ANKRD42: variants seen among roughly 807,000 people sequenced by gnomAD.
The protein encoded by ANKRD42 is ankyrin repeat domain 42, also known as ankyrin repeat domain-containing protein 42.
A neutral mutation model predicts 51.5 loss-of-function variants in ANKRD42; 43 were observed. The observed-to-expected ratio is 0.83, with a 90% CI of 0.65 to 1.08. The LOEUF (loss-of-function observed/expected upper bound fraction) is 1.08, where lower values mean the gene tolerates loss of function less well. Among genes scored for constraint, ANKRD42 ranks in the 50% least tolerant of loss-of-function variants. The pLI is 0.00. For missense variants in ANKRD42, 608 were observed against 629.3 expected (o/e 0.97, Z 0.36); for synonymous variants, 203 against 213.0 (o/e 0.95, Z 0.41).
intron 9 of ANKRD42, among the ~76,000 whole-genome samples, chr11:83,243,529 C>T (rs560479345): frequency 1.3e-5 from 2 of 152,290 alleles, no homozygotes; most frequent in Admixed American, 6.5e-5. Flanking sequence ...AAGCTAAATA[C>T]TCACTGCTCT....
chr11:83,226,723 A>G (rs1443167030), intron 6 of ANKRD42, among the ~76,000 whole-genome samples: 1 of 152,138 alleles, frequency 6.6e-6, no homozygotes, highest in East Asian at 1.9e-4. Flanking sequence ...CTGAGGTGGG[A>G]GGATTGCTTG....
At chr11:83,255,886 A>G in exon 12 of ANKRD42, 3 of 1,534,812 alleles carry the variant, frequency 2.0e-6, no homozygotes, top group Non-Finnish European at 2.6e-6. Flanking sequence ...AGAAGAGGCG[A>G]GTAAAAAAAA....
chr11:83,215,289 CTT>C (rs1361204736), intron 5 of ANKRD42: 1 of 151,654 alleles, frequency 6.6e-6, no homozygotes, highest in Non-Finnish European at 1.5e-5. Context: ...TATAGCTACT[CTT>C]TTTCTTTTTT....
intron 7 of ANKRD42, 138 bp from the exon 8 acceptor site, chr11:83,236,266 T>G (rs1217986904): frequency 5.6e-6 from 3 of 534,900 alleles, no homozygotes; most frequent in East Asian, 6.1e-5. Context: ...ATTTGCCCAA[T>G]GTACTTTTGC....
At chr11:83,239,850 G>A (rs935274796) in intron 8 of ANKRD42, among the ~76,000 whole-genome samples, 2 of 152,182 alleles carry the variant, frequency 1.3e-5, no homozygotes, top group African/African-American at 4.8e-5. Context: ...TGGTGTGGGT[G>A]TAGGGTTATT....
At chr11:83,237,431 G>A (rs759933362) in intron 8 of ANKRD42, among the ~76,000 whole-genome samples, 44 of 152,220 alleles carry the variant, frequency 2.9e-4, no homozygotes, top group Non-Finnish European at 5.6e-4. Context: ...GTAAGCGTAA[G>A]TGTAAATGTA....
At chr11:83,253,729 A>G (rs1863713796), downstream of ANKRD42, among the ~76,000 whole-genome samples, 1 of 152,198 alleles carries the variant, frequency 6.6e-6, no homozygotes, top group South Asian at 2.1e-4. Context: ...TAAAGAAACG[A>G]GTAATCTTGG....
intron 7 of ANKRD42, among the ~76,000 whole-genome samples, chr11:83,233,461 G>C (rs1863139665): frequency 6.6e-6 from 1 of 151,730 alleles, no homozygotes; most frequent in Non-Finnish European, 1.5e-5. Flanking sequence ...TTATTTATTT[G>C]GATCTTCTCT....
chr11:83,198,117 A>G lies in ANKRD42; in HGVS notation c.59-362A>G, dbSNP rs113147431. On this transcript the variant is annotated intron_variant, in intron 1 of 10. Coordinates refer to ENST00000533342, the MANE Select transcript of ANKRD42 (RefSeq NM_001300975.2). The stretch of plus-strand genomic sequence containing the variant: ...GTACTCAACCTCTGGCAAGTCATCA[A>G]CATTACCATGTAAGTGCTTCTACCA... 2.1e-3 allele frequency among the ~76,000 whole-genome samples: 327 copies of G among 152,348 alleles called. 3 individuals are homozygous for G. Among genetic ancestry groups the G allele is most frequent in the African/African-American group, 7.3e-3 (303 of 41,574 alleles).
chr11:83,249,950 T>C (rs552009189), downstream of ANKRD42, among the ~76,000 whole-genome samples: 1 of 152,234 alleles, frequency 6.6e-6, no homozygotes, highest in Non-Finnish European at 1.5e-5. Flanking sequence ...AGGTATTCAC[T>C]ATATAGTAGT....
At chr11:83,205,474 T>G (rs1233864235) in intron 2 of ANKRD42, among the ~76,000 whole-genome samples, 2 of 152,230 alleles carry the variant, frequency 1.3e-5, no homozygotes, top group East Asian at 3.8e-4. Flanking sequence ...CTTGAACATA[T>G]AAAGACAGTA....
chr11:83,254,430 CTTTTCTTTT>C (rs1565200757), intron 11 of ANKRD42, among the ~76,000 whole-genome samples: 2 of 130,412 alleles, frequency 1.5e-5, no homozygotes, highest in African/African-American at 6.0e-5. Context: ...TTTCTTTTTT[CTTTTCTTTT>C]TTTTTTTTTT....
rs1390769708 is a variant in ANKRD42, at chr11:83,201,877, A to G, written c.222+3235A>G. Among the ~76,000 whole-genome samples the G allele has an allele frequency of 2.6e-5, 4 of 152,016 alleles. No individual in the cohort carries two copies. In the East Asian group the frequency reaches 5.8e-4, roughly 22 times the overall value. ...TTTCTTATAAATTTAAGTTTCTTGT[A>G]GATTCTAGATGTTAGCCCTTTGTCA... On this transcript the variant is annotated intron_variant, in intron 2 of 10. Transcript: ENST00000533342.
chr11:83,236,595 T>C lies in ANKRD42; in HGVS notation c.1019+86T>C, dbSNP rs967239893. The stretch of plus-strand genomic sequence containing the variant: ...TTGGACTCAAAAATCTCTGAAGTTT[T>C]AATGGAATTTTAGAGGACTCAATCA... On this transcript the variant is annotated intron_variant, in intron 8 of 10. Transcript: ENST00000533342. 12 of 1,073,384 alleles carry C rather than the reference T, an allele frequency of 1.1e-5. No individual in the cohort carries two copies. The African/African-American group carries it at 1.8e-4, about 16-fold the overall frequency. The allele number at this position is 1,073,384 out of a possible 1,614,324, so 66.5% of individuals were successfully genotyped here.
intron 5 of ANKRD42, chr11:83,212,667 C>T (rs1327917675): frequency 2.6e-6 from 4 of 1,536,004 alleles, no homozygotes; most frequent in South Asian, 2.4e-5. Context: ...TCCTTAGATC[C>T]CTGTGGAGCC....
downstream of ANKRD42, chr11:83,257,382 G>A (rs1385125394): frequency 2.2e-6 from 1 of 447,404 alleles, no homozygotes; most frequent in Non-Finnish European, 4.5e-6. Flanking sequence ...GAAAGGAAGA[G>A]AAAATAGAGG....
chr11:83,253,958 T>G (rs553383641), downstream of ANKRD42, among the ~76,000 whole-genome samples: 1 of 152,320 alleles, frequency 6.6e-6, no homozygotes, highest in South Asian at 2.1e-4. Context: ...GAAAAATAAG[T>G]ATTGCTGTCT....
intron 2 of ANKRD42, among the ~76,000 whole-genome samples, chr11:83,205,821 C>T (rs1206455751): frequency 6.6e-6 from 1 of 152,154 alleles, no homozygotes; most frequent in South Asian, 2.1e-4. Flanking sequence ...AGTGTCTACA[C>T]CTTACAGACA....
intron 6 of ANKRD42, among the ~76,000 whole-genome samples, chr11:83,225,782 G>GAAAAAAAAAAAAAAAAAAAAAAA (rs59860833): frequency 1.1e-5 from 1 of 88,798 alleles, no homozygotes; most frequent in Non-Finnish European, 2.1e-5. Context: ...CTCCATCCTG[G>GAAAAAAAAAAAAAAAAAAAAAAA]AAAAAAAAAA....
Sources: allele counts gnomAD v4.1 joint callset (sites outside exome capture counted in the v4.1 genomes callset), GRCh38; gene constraint gnomAD v4.1.1; transcripts MANE v1.5; gene names NCBI Gene and HGNC (gene_info 2026-07-23, HGNC 2026-07-21).